SPINK5: variants seen among roughly 807,000 people sequenced by gnomAD.
SPINK5 encodes the protein serine protease inhibitor Kazal-type 5.
In SPINK5, 125 loss-of-function variants were observed where a neutral mutation model predicts 151.8. The ratio of observed to expected loss-of-function variants is 0.82; its 90% CI spans 0.71 to 0.96. SPINK5 has a LOEUF of 0.96. Among genes scored for constraint, SPINK5 ranks in the 40% least tolerant of loss-of-function variants. SPINK5 has a pLI of 0.00. For missense variants in SPINK5, 1,194 were observed against 1,291.9 expected (o/e 0.92, Z 1.16); for synonymous variants, 374 against 395.3 (o/e 0.95, Z 0.64).
intron 21 of SPINK5, among the ~76,000 whole-genome samples, chr5:148,115,318 C>T (rs1055768052): frequency 6.6e-6 from 1 of 152,154 alleles, no homozygotes; most frequent in Non-Finnish European, 1.5e-5. Flanking sequence ...ACCTTGAATG[C>T]ACACCAGAGA....
rs397777404 is a variant in SPINK5 at position 148,088,835 on chromosome 5, T to TAA, written c.474+240_474+241dup. 0.023 allele frequency among the ~76,000 whole-genome samples: 3,372 copies of TAA among 146,438 alleles called. 105 individuals carry two copies. Among genetic ancestry groups the TAA allele is most frequent in the African/African-American group, 0.079 (3,159 of 40,112 alleles). On this transcript the variant is annotated intron_variant, in intron 6 of 32. Coordinates refer to ENST00000256084, the MANE Select transcript of SPINK5 (RefSeq NM_006846.4). Reference sequence around the variant, plus strand: ...TCTTTCAATCTATTGCTGCTTTGTATAAAAAAAAAAAGAAGAAGAAGAAAT... The same window carrying TAA: ...TCTTTCAATCTATTGCTGCTTTGTATAAAAAAAAAAAAAGAAGAAGAAGAAAT...
At chr5:148,124,965 C>T in intron 28 of SPINK5, 128 bp downstream of exon 28, 1 of 1,262,958 alleles carries the variant, frequency 7.9e-7, no homozygotes, top group Non-Finnish European at 1.0e-6. Flanking sequence ...TTTTTCTTGT[C>T]TTGTCACTTT....
chr5:148,094,809 C>G (rs1242676415), intron 9 of SPINK5, among the ~76,000 whole-genome samples: 1 of 151,918 alleles, frequency 6.6e-6, no homozygotes, highest in Non-Finnish European at 1.5e-5. Flanking sequence ...GGTACCACGA[C>G]TTCGATTGTT....
chr5:148,106,212 A>G (rs374754847), intron 16 of SPINK5, among the ~76,000 whole-genome samples: 2 of 151,918 alleles, frequency 1.3e-5, no homozygotes, highest in Non-Finnish European at 2.9e-5. Flanking sequence ...CACATCTCCC[A>G]TTCCTGGTTT....
In SPINK5 at chr5:148,120,399, A is replaced by G. The variant is rs371142722; in HGVS notation, c.2538+8A>G. ...AGGAGCAATGACAAAGAGGTAATAG[A>G]TGTTAGACACGCTAATACCTGAATT... is the stretch of plus-strand genomic sequence containing the variant. On this transcript the variant is annotated splice_region_variant and intron_variant, in intron 26 of 32. Coordinates refer to ENST00000256084, the MANE Select transcript of SPINK5 (RefSeq NM_006846.4). The G allele has an allele frequency of 3.8e-6, 6 of 1,590,854 alleles. No homozygotes were observed. The highest frequency in any genetic ancestry group is 5.1e-6 in the Non-Finnish European group (6 of 1,167,102).
At chr5:148,122,233 T>TGCTATTATA in intron 26 of SPINK5, among the ~76,000 whole-genome samples, 1 of 151,984 alleles carries the variant, frequency 6.6e-6, no homozygotes, top group East Asian at 1.9e-4. Flanking sequence ...GTCAGAGGAG[T>TGCTATTATA]GCTATTATAA....
At chr5:148,103,040 G>A (rs1270866559) in intron 15 of SPINK5, among the ~76,000 whole-genome samples, 1 of 152,024 alleles carries the variant, frequency 6.6e-6, no homozygotes, top group Non-Finnish European at 1.5e-5. Context: ...ATCTTAGAAA[G>A]GACTTAATTT....
intron 4 of SPINK5, among the ~76,000 whole-genome samples, chr5:148,073,824 A>T (rs1249147048): frequency 1.5e-5 from 2 of 130,904 alleles, no homozygotes; most frequent in African/African-American, 6.7e-5. Flanking sequence ...TCACACACAC[A>T]CACACACACA....
chr5:148,070,028 T>C (rs1196221118), intron 2 of SPINK5, among the ~76,000 whole-genome samples: 1 of 152,094 alleles, frequency 6.6e-6, no homozygotes, highest in African/African-American at 2.4e-5. Flanking sequence ...TACTGTGTAC[T>C]AGGTATTTTA....
intron 2 of SPINK5, among the ~76,000 whole-genome samples, chr5:148,068,649 C>T (rs578194796): frequency 6.7e-6 from 1 of 149,460 alleles, no homozygotes; most frequent in East Asian, 2.0e-4. Context: ...TAAATAGAAA[C>T]CTTTAATAAA....
At chr5:148,096,897 T>C (rs981568052) in intron 10 of SPINK5, among the ~76,000 whole-genome samples, 10 of 151,736 alleles carry the variant, frequency 6.6e-5, no homozygotes, top group African/African-American at 2.4e-4. Flanking sequence ...GTGCTAAGAT[T>C]ACAGGCATGA....
chr5:148,094,861 A>G lies in SPINK5; in HGVS notation c.794+380A>G, dbSNP rs186963997. On this transcript the variant is annotated intron_variant, in intron 9 of 32. Coordinates refer to ENST00000256084, the MANE Select transcript of SPINK5 (RefSeq NM_006846.4). ...CCCATGGTAACAGTGTTGATGCAAC[A>G]CTCTCAGATACTTCAGGTTTATACA... Among the ~76,000 whole-genome samples, 22 of 151,974 alleles carry G rather than the reference A, an allele frequency of 1.4e-4. No individual in the cohort carries two copies. The East Asian group carries it at 4.1e-3, about 28-fold the overall frequency.
chr5:148,086,500 T>C lies in SPINK5; in HGVS notation c.378T>C (p.Tyr126=). The C allele has an allele frequency of 1.9e-6, 3 of 1,611,876 alleles. No individual in the cohort carries two copies. The highest frequency in any genetic ancestry group is 2.5e-6 in the Non-Finnish European group (3 of 1,178,724). ...TTTGTGGCACAGATGGGAAAACATA[T>C]GACAACAGATGTGCACTGTGTGCTG... ...EAVCGTDGKT[Y]DNRCALCAEN... The change falls in exon 5 of 33, where the codon TAT becomes TAC. Residue 126 remains tyrosine, a synonymous_variant. Transcript: ENST00000256084.
At chr5:148,121,406 C>T (rs1034673493) in intron 26 of SPINK5, among the ~76,000 whole-genome samples, 1 of 151,768 alleles carries the variant, frequency 6.6e-6, no homozygotes, top group African/African-American at 2.4e-5. Context: ...TTCATTAAGC[C>T]TGTAGTGGCT....
At chr5:148,068,554 C>CAAAAAAAAAAAAAAAAAAAAAAAAAAA (rs1166912306) in intron 2 of SPINK5, among the ~76,000 whole-genome samples, 3 of 89,230 alleles carry the variant, frequency 3.4e-5, no homozygotes, top group Non-Finnish European at 4.4e-5. Context: ...CCTGCCTCTC[C>CAAAAAAAAAAAAAAAAAAAAAAAAAAA]AAAAAAAAAA....
At position 148,095,924 on chromosome 5, in the gene SPINK5, A is replaced by G. The variant is rs757641446; in HGVS notation, c.882+19A>G. The G allele has an allele frequency of 1.3e-6, 2 of 1,592,824 alleles. No individual in the cohort carries two copies. Among genetic ancestry groups the G allele is most frequent in the East Asian group, 4.5e-5 (2 of 44,442 alleles). On this transcript the variant is annotated intron_variant, in intron 10 of 32. Transcript: ENST00000256084. ...AATTGTGGTGAGAATCAGTTTGATC[A>G]ATCTAGTTACAACTTGTGTGTGTGT...
chr5:148,112,426 G>A (rs11168024), intron 19 of SPINK5, among the ~76,000 whole-genome samples: 67,226 of 151,560 alleles, frequency 0.44, 16,217 homozygotes, highest in Admixed American at 0.58. Context: ...TGTAATTCTA[G>A]CACTTTGGGA....
At chr5:148,110,937 G>C (rs914362768) in intron 18 of SPINK5, among the ~76,000 whole-genome samples, 2 of 151,818 alleles carry the variant, frequency 1.3e-5, no homozygotes, top group Admixed American at 6.6e-5. Flanking sequence ...AAACCTGCAT[G>C]CTCTGAACAT....
In SPINK5 at chr5:148,086,255, A is replaced by G. The variant is rs2113050656; in HGVS notation, c.283-150A>G. The G allele has an allele frequency of 3.3e-6, 3 of 912,306 alleles. No individual in the cohort carries two copies. In the East Asian group the frequency reaches 8.3e-5, roughly 25 times the overall value. 56.5% of individuals were successfully genotyped at this position (912,306 alleles called of 1,614,324 possible). A position where few individuals can be genotyped will look rare whatever the true frequency, so the allele number is the denominator to read the frequency against. On this transcript the variant is annotated intron_variant, in intron 4 of 32. Coordinates refer to ENST00000256084, the MANE Select transcript of SPINK5 (RefSeq NM_006846.4). ...GTTCTTGGATCATGTTTTATTGCCC[A>G]TAAATTTATTAGCTCAATGTAGCCT...
Sources: gnomAD v4.1 joint callset for allele counts (sites outside exome capture counted in the v4.1 genomes callset) on GRCh38, gnomAD v4.1.1 for gene constraint, MANE v1.5 for transcripts, NCBI Gene and HGNC (gene_info 2026-07-23, HGNC 2026-07-21) for gene names.